Variants in NTM observed in about 807,000 individuals in gnomAD.
The protein encoded by NTM is IgLON family member 2.
In NTM, 13 loss-of-function variants were observed where a neutral mutation model predicts 42.1. The ratio of observed to expected loss-of-function variants is 0.31; its 90% CI spans 0.20 to 0.49. The LOEUF is 0.49. Ranked by LOEUF, NTM falls within the 20% of genes least tolerant of loss-of-function variation. The pLI is 0.99. For synonymous variants in NTM, 187 were observed against 179.2 expected (o/e 1.04, Z -0.35); for missense variants, 373 against 452.8 (o/e 0.82, Z 1.60).
chr11:131,819,497 A>C lies in NTM; in HGVS notation c.83-92067A>C, dbSNP rs571287718. Among the ~76,000 whole-genome samples the C allele has an allele frequency of 7.9e-5, 12 of 152,250 alleles. No individual in the cohort carries two copies. The East Asian group carries it at 2.3e-3, about 29-fold the overall frequency. The stretch of plus-strand genomic sequence containing the variant: ...TTGTTCATTTCACAATTTTCCTCAA[A>C]CATTACTTTAGCAAGAGAGACATAC... On this transcript the variant is annotated intron_variant, in intron 1 of 8. Coordinates refer to ENST00000683400, the MANE Select transcript of NTM (RefSeq NM_001352005.2).
rs116993397 is a variant in NTM at position 132,286,245 on chromosome 11, C to T, written c.527-21444C>T. Reference sequence around the variant, plus strand: ...TATCAGGAACATAAAATAAGAGACTCATTCAAGCTAAAACATAAACGAGTC... The same window carrying T: ...TATCAGGAACATAAAATAAGAGACTTATTCAAGCTAAAACATAAACGAGTC... On this transcript the variant is annotated intron_variant, in intron 4 of 8. Transcript: ENST00000683400. 1.9e-3 allele frequency among the ~76,000 whole-genome samples: 295 copies of T among 152,238 alleles called. 4 individuals carry two copies. The East Asian group carries it at 0.029, about 15-fold the overall frequency.
intron 2 of NTM, among the ~76,000 whole-genome samples, chr11:131,942,501 C>A (rs961328631): frequency 6.6e-5 from 10 of 152,128 alleles, no homozygotes; most frequent in African/African-American, 2.4e-4. Context: ...GGGAAAGGCA[C>A]CCTTTCTCTG....
At chr11:132,211,316 T>C (rs1476524529) in intron 3 of NTM, among the ~76,000 whole-genome samples, 1 of 152,134 alleles carries the variant, frequency 6.6e-6, no homozygotes, top group Non-Finnish European at 1.5e-5. Context: ...GGTGGGATTG[T>C]TTGAGCATGG....
intron 1 of NTM, among the ~76,000 whole-genome samples, chr11:131,860,343 G>A (rs1342073406): frequency 2.0e-5 from 3 of 152,172 alleles, no homozygotes; most frequent in African/African-American, 4.8e-5. Context: ...CAAGGCACAG[G>A]CAGAGTCTGA....
At chr11:131,853,726 A>G (rs970647543) in intron 1 of NTM, among the ~76,000 whole-genome samples, 2 of 152,178 alleles carry the variant, frequency 1.3e-5, no homozygotes, top group African/African-American at 4.8e-5. Context: ...TCTTTATAAG[A>G]GAATGATTTA....
intron 1 of NTM, among the ~76,000 whole-genome samples, chr11:131,570,695 T>C (rs2057364448): frequency 6.6e-6 from 1 of 152,082 alleles, no homozygotes; most frequent in African/African-American, 2.4e-5. Flanking sequence ...TGGTGGTGCG[T>C]GCCAGTAGTC....
At chr11:131,465,222 T>C (rs1438766637) in intron 1 of NTM, among the ~76,000 whole-genome samples, 2 of 152,072 alleles carry the variant, frequency 1.3e-5, no homozygotes, top group Admixed American at 6.5e-5. Context: ...GGTGGCGAGG[T>C]GGAGCTGCTT....
chr11:131,428,884 A>C (rs1948417924), intron 1 of NTM, among the ~76,000 whole-genome samples: 1 of 143,634 alleles, frequency 7.0e-6, no homozygotes, highest in African/African-American at 2.7e-5. Context: ...AAAATACAAA[A>C]AAAAAAAAAA....
chr11:131,903,951 T>C (rs1169205775), intron 1 of NTM, among the ~76,000 whole-genome samples: 1 of 152,068 alleles, frequency 6.6e-6, no homozygotes, highest in Non-Finnish European at 1.5e-5. Flanking sequence ...TTTTTTTTTG[T>C]TTTTTGACAA....
intron 1 of NTM, among the ~76,000 whole-genome samples, chr11:131,702,665 C>A (rs1218998090): frequency 6.6e-6 from 1 of 152,154 alleles, no homozygotes; most frequent in Non-Finnish European, 1.5e-5. Flanking sequence ...ACCATGCTTT[C>A]CCAAGTGACT....
intron 1 of NTM, among the ~76,000 whole-genome samples, chr11:131,436,020 C>T (rs1417579379): frequency 6.6e-6 from 1 of 152,116 alleles, no homozygotes; most frequent in Admixed American, 6.5e-5. Context: ...TTGTCAAAGG[C>T]TTTTTCTGCA....
intron 2 of NTM, among the ~76,000 whole-genome samples, chr11:131,948,368 A>AAAAAAAAC (rs2060590378): frequency 1.3e-5 from 1 of 74,892 alleles, no homozygotes; most frequent in Non-Finnish European, 2.7e-5. Context: ...CCATCTCAAA[A>AAAAAAAAC]AAAACAAAAA....
At chr11:131,476,026 G>A (rs1269822549) in intron 1 of NTM, among the ~76,000 whole-genome samples, 1 of 152,062 alleles carries the variant, frequency 6.6e-6, no homozygotes, top group East Asian at 1.9e-4. Flanking sequence ...GAAGGAAGGA[G>A]TGAAGGAAGG....
intron 1 of NTM, among the ~76,000 whole-genome samples, chr11:131,779,087 A>T (rs964163279): frequency 1.3e-5 from 2 of 152,232 alleles, no homozygotes; most frequent in Non-Finnish European, 2.9e-5. Flanking sequence ...CAACAACCAC[A>T]TCACAGTAAG....
chr11:132,205,881 A>G (rs1045645244), intron 3 of NTM, among the ~76,000 whole-genome samples: 1 of 152,116 alleles, frequency 6.6e-6, no homozygotes, highest in Non-Finnish European at 1.5e-5. Flanking sequence ...ACCATCAGCA[A>G]GTCTAAGATA....
intron 2 of NTM, among the ~76,000 whole-genome samples, chr11:132,084,062 G>T (rs529620183): frequency 6.6e-6 from 1 of 151,766 alleles, no homozygotes; most frequent in Non-Finnish European, 1.5e-5. Flanking sequence ...CTTGATATTC[G>T]TGAAATTTTC....
At chr11:131,937,866 A>G (rs2134171732) in intron 2 of NTM, among the ~76,000 whole-genome samples, 1 of 152,294 alleles carries the variant, frequency 6.6e-6, no homozygotes, top group South Asian at 2.1e-4. Context: ...AAGGGCGGGT[A>G]AAAAATGAGA....
chr11:132,175,197 A>G (rs7950239), intron 3 of NTM, among the ~76,000 whole-genome samples: 95,645 of 151,872 alleles, frequency 0.63, 30,556 homozygotes, highest in African/African-American at 0.65. Flanking sequence ...GGTTCTCAGC[A>G]ATGGTGTTGG....
chr11:131,575,817 C>T (rs2057876733), intron 1 of NTM, among the ~76,000 whole-genome samples: 1 of 152,182 alleles, frequency 6.6e-6, no homozygotes, highest in East Asian at 1.9e-4. Context: ...AACGAACTAA[C>T]ATACTCTCCC....
Sources: allele counts gnomAD v4.1 joint callset (sites outside exome capture counted in the v4.1 genomes callset), GRCh38; gene constraint gnomAD v4.1.1; transcripts MANE v1.5; gene names NCBI Gene and HGNC (gene_info 2026-07-23, HGNC 2026-07-21).